The following EEF1A2 variants were observed in gnomAD, a reference collection of about 807,000 sequenced individuals.
EEF1A2 encodes eukaryotic translation elongation factor 1 alpha 2, also known as elongation factor 1-alpha 2.
A neutral mutation model predicts 39.3 loss-of-function variants in EEF1A2; 5 were observed. That is an observed-to-expected ratio of 0.13 (90% confidence interval 0.07 to 0.27). The LOEUF is 0.27. EEF1A2 is among the 10% of genes least tolerant of loss of function. The pLI is 1.00. For missense variants in EEF1A2, 218 were observed against 681.4 expected (o/e 0.32, Z 7.57); for synonymous variants, 287 against 293.7 (o/e 0.98, Z 0.23).
At chr20:63,490,067 CT>C (rs57130528) in intron 6 of EEF1A2, 52,337 of 151,106 alleles carry the variant, frequency 0.35, 8,567 homozygotes, top group Middle Eastern at 0.52. Flanking sequence ...GGTCCCTTTT[CT>C]TTTTTTTTTT....
intron 2 of EEF1A2, chr20:63,496,301 G>GTCGC: frequency 1.9e-6 from 1 of 524,498 alleles, no homozygotes; most frequent in African/African-American, 1.9e-5. Context: ...GGGCCTGGGA[G>GTCGC]TCGCTCGCTC....
Position 63,488,445 on chromosome 20 carries a change from G to A in EEF1A2, c.1265-20C>T. 4 of 1,420,542 alleles carry A rather than the reference G, an allele frequency of 2.8e-6. No homozygotes were observed. Among genetic ancestry groups the A allele is most frequent in the Admixed American group, 2.9e-5 (1 of 34,508 alleles). 88.0% of individuals were successfully genotyped at this position (1,420,542 alleles called of 1,614,324 possible). A position where few individuals can be genotyped will look rare whatever the true frequency, so the allele number is the denominator to read the frequency against. Reference sequence around the variant, plus strand: ...AGCGGCCTGGGGGGCGGGGGGCGGCGTGTGGGCGGGGCCGGAGGACTTGAC... The same window carrying A: ...AGCGGCCTGGGGGGCGGGGGGCGGCATGTGGGCGGGGCCGGAGGACTTGAC... On this transcript the variant is annotated intron_variant, in intron 7 of 7. Coordinates refer to ENST00000217182, the MANE Select transcript of EEF1A2 (RefSeq NM_001958.5).
rs189986512 is a variant in EEF1A2 at position 63,494,356 on chromosome 20, A to G, written c.621+449T>C. Among the ~76,000 whole-genome samples the G allele has an allele frequency of 4.5e-3, 681 of 152,310 alleles. 5 individuals are homozygous for G. The highest frequency in any genetic ancestry group is 0.034 in the South Asian group (164 of 4,826). On this transcript the variant is annotated intron_variant, in intron 4 of 7. Transcript: ENST00000217182. ...TCCCAGCAAGCCCAGAAGCATGCAC[A>G]CTTCCCAAAGCCCAACCCTGCTCCA...
At chr20:63,489,240 G>A (rs1367107917) in intron 6 of EEF1A2, 88 bp from the exon 7 acceptor site, 13 of 1,357,994 alleles carry the variant, frequency 9.6e-6, no homozygotes, top group Middle Eastern at 2.2e-4. Context: ...CCCAGTCACC[G>A]GCGCCCCTGC....
At chr20:63,492,102 GGAGA>G (rs1600904962) in intron 5 of EEF1A2, among the ~76,000 whole-genome samples, 3 of 94,878 alleles carry the variant, frequency 3.2e-5, no homozygotes, top group Non-Finnish European at 4.3e-5. Flanking sequence ...GGGTGGATGG[GGAGA>G]TGGATGGATG....
At chr20:63,491,602 T>C (rs1177480182) in intron 5 of EEF1A2, among the ~76,000 whole-genome samples, 1 of 152,096 alleles carries the variant, frequency 6.6e-6, no homozygotes, top group Non-Finnish European at 1.5e-5. Context: ...GATTTGTTTA[T>C]GGTTTCTCTT....
Position 63,497,512 on chromosome 20 carries a change from G to A in EEF1A2, c.144+108C>T, listed in dbSNP as rs1221214047. ...AGCGGGGGTCCCTCCTGCCCTGGAG[G>A]AGGTCACCTGAGCCCCATGCCCTGG... On this transcript the variant is annotated intron_variant, in intron 2 of 7. Coordinates refer to ENST00000217182, the MANE Select transcript of EEF1A2 (RefSeq NM_001958.5). This position sits in a 1 kb window ranked among gnomAD's most constrained non-coding sequence, Gnocchi z 7.3. 6.7e-7 allele frequency: 1 copy of A among 1,500,990 alleles called. No individual in the cohort carries two copies. The highest frequency in any genetic ancestry group is 8.9e-7 in the Non-Finnish European group (1 of 1,121,584). 93.0% of individuals were successfully genotyped at this position (1,500,990 alleles called of 1,614,324 possible).
chr20:63,497,465 C>T lies in EEF1A2; in HGVS notation c.144+155G>A. 1.6e-6 allele frequency: 2 copies of T among 1,244,596 alleles called. No homozygotes were observed. The highest frequency in any genetic ancestry group is 1.6e-5 in the South Asian group (1 of 64,336). 77.1% of individuals were successfully genotyped at this position (1,244,596 alleles called of 1,614,324 possible). On this transcript the variant is annotated intron_variant, in intron 2 of 7. Transcript: ENST00000217182. The surrounding 1 kb of genome is among the most constrained non-coding windows in gnomAD (Gnocchi z 7.3). ...AAGAGAGAGGCTGCCCCACCAGACCCTCTGAGGCCTGAGTGCCCCACAGCG... is the reference window on the plus strand; with the variant it reads ...AAGAGAGAGGCTGCCCCACCAGACCTTCTGAGGCCTGAGTGCCCCACAGCG...
In EEF1A2 at chr20:63,495,107, C is replaced by T; in HGVS notation, c.325-6G>A. On this transcript the variant is annotated splice_polypyrimidine_tract_variant and splice_region_variant and intron_variant, in intron 3 of 7. Transcript: ENST00000217182. The stretch of plus-strand genomic sequence containing the variant: ...ATCAGCACTGCGCAGTCCGCCTGCC[C>T]GGCAGGGGACACAGTGAGCCCTGCC... 2 of 1,604,738 alleles carry T rather than the reference C, an allele frequency of 1.2e-6. No homozygotes were observed. Among genetic ancestry groups the T allele is most frequent in the Non-Finnish European group, 1.7e-6 (2 of 1,177,464 alleles).
chr20:63,491,712 G>A (rs1218342018), intron 5 of EEF1A2, among the ~76,000 whole-genome samples: 1 of 151,374 alleles, frequency 6.6e-6, no homozygotes, highest in East Asian at 1.9e-4. Flanking sequence ...GGAGGTGGAT[G>A]GACAGAAGGA....
In EEF1A2 at chr20:63,493,261, C is replaced by T. The variant is rs1356325386; in HGVS notation, c.648G>A (p.Val216=). Reference sequence around the variant, plus strand: ...CGCTTGCGTTGCCCTCCTTACGCTCCACCTTCCAGCCCTTGAACCACGGCA... The same window carrying T: ...CGCTTGCGTTGCCCTCCTTACGCTCTACCTTCCAGCCCTTGAACCACGGCA... ...PNMPWFKGWK[V]ERKEGNASGV... Residue 216 remains valine (V), a synonymous_variant, in exon 5 of 8, where the codon GTG becomes GTA. Coordinates refer to ENST00000217182, the MANE Select transcript of EEF1A2 (RefSeq NM_001958.5). The T allele has an allele frequency of 2.6e-6, 4 of 1,534,908 alleles. No individual in the cohort carries two copies. The highest frequency in any genetic ancestry group is 1.4e-5 in the African/African-American group (1 of 72,674).
chr20:63,492,872 AGATGGATGGATC>A (rs2082397119), intron 5 of EEF1A2, among the ~76,000 whole-genome samples: 1 of 125,372 alleles, frequency 8.0e-6, no homozygotes, highest in Non-Finnish European at 1.6e-5. Flanking sequence ...ATGGGTGGGG[AGATGGATGGATC>A]GATGGATGGA....
In EEF1A2 at chr20:63,488,189, GGGTGCGGGGCGCC is replaced by G. The variant is rs1363743198; in HGVS notation, c.*96_*108del. On this transcript the variant is annotated 3_prime_UTR_variant, in exon 8 of 8. Coordinates refer to ENST00000217182, the MANE Select transcript of EEF1A2 (RefSeq NM_001958.5). ...GGAGGTGCAGACATGCGCCTGGCGG[GGGTGCGGGGCGCC>G]GGACCGGCGCGCGGGGCGGGGGCGG... 3 of 701,610 alleles carry G rather than the reference GGGTGCGGGGCGCC, an allele frequency of 4.3e-6. No homozygotes were observed. The highest frequency in any genetic ancestry group is 5.2e-6 in the Non-Finnish European group (3 of 574,558). 43.5% of individuals were successfully genotyped at this position (701,610 alleles called of 1,614,324 possible). A position where few individuals can be genotyped will look rare whatever the true frequency, so the allele number is the denominator to read the frequency against.
At position 63,498,104 on chromosome 20, in the gene EEF1A2, G is replaced by T; in HGVS notation, c.-71-270C>A. The T allele has an allele frequency of 4.5e-6, 1 of 222,902 alleles. No homozygotes were observed. Among genetic ancestry groups the T allele is most frequent in the Non-Finnish European group, 8.9e-6 (1 of 112,892 alleles). 13.8% of individuals were successfully genotyped at this position (222,902 alleles called of 1,614,324 possible). On this transcript the variant is annotated intron_variant, in intron 1 of 7. Transcript: ENST00000217182. This position sits in a 1 kb window ranked among gnomAD's most constrained non-coding sequence, Gnocchi z 4.1. ...AGCCCGCGGGCTGCTCCTTGGGAAG[G>T]GGTTAGCCACCATTTGGAGAGACCA...
intron 4 of EEF1A2, 137 bp from the exon 5 acceptor site, chr20:63,493,424 C>T: frequency 9.9e-7 from 1 of 1,007,558 alleles, no homozygotes; most frequent in South Asian, 2.0e-5. Flanking sequence ...GGAATTTCCC[C>T]ACCCTGCTCC....
rs2082429499 is a variant in EEF1A2, at chr20:63,498,607, C to G, written c.-72+451G>C. 1 of 152,280 alleles carries G rather than the reference C, an allele frequency of 6.6e-6. No homozygotes were observed. The highest frequency in any genetic ancestry group is 1.5e-5 in the Non-Finnish European group (1 of 68,110). 9.4% of individuals were successfully genotyped at this position (152,280 alleles called of 1,614,324 possible). Reference sequence around the variant, plus strand: ...GTGACTCAGGACCCTGGGTCACAGCCCTGTCCCATCACAGAGGTCAGTGGA... The same window carrying G: ...GTGACTCAGGACCCTGGGTCACAGCGCTGTCCCATCACAGAGGTCAGTGGA... On this transcript the variant is annotated intron_variant, in intron 1 of 7. Coordinates refer to ENST00000217182, the MANE Select transcript of EEF1A2 (RefSeq NM_001958.5). The surrounding 1 kb of genome is among the most constrained non-coding windows in gnomAD (Gnocchi z 4.1).
chr20:63,490,406 A>G (rs1477058211), intron 6 of EEF1A2, 73 bp downstream of exon 6: 20 of 1,539,390 alleles, frequency 1.3e-5, no homozygotes, highest in Non-Finnish European at 9.7e-6. Flanking sequence ...ACCTGCCGAC[A>G]GCAGCCTCAC....
intron 5 of EEF1A2, among the ~76,000 whole-genome samples, chr20:63,491,463 G>A (rs972420951): frequency 2.8e-4 from 43 of 152,352 alleles, no homozygotes; most frequent in African/African-American, 7.7e-4. Flanking sequence ...ACTTCACTGA[G>A]GCCAGTGGCT....
At chr20:63,491,762 A>G (rs2082380119) in intron 5 of EEF1A2, among the ~76,000 whole-genome samples, 1 of 140,026 alleles carries the variant, frequency 7.1e-6, no homozygotes, top group African/African-American at 2.7e-5. Flanking sequence ...GGATGGATGG[A>G]TTGGTGGATG....
Sources: allele counts gnomAD v4.1 joint callset (sites outside exome capture counted in the v4.1 genomes callset), GRCh38; gene constraint gnomAD v4.1.1; non-coding constraint Gnocchi (gnomAD v3.1); transcripts MANE v1.5; gene names NCBI Gene and HGNC (gene_info 2026-07-23, HGNC 2026-07-21).